DPYD: variants seen among roughly 807,000 people sequenced by gnomAD.
DPYD encodes dihydropyrimidine dehydrogenase, also known as dihydropyrimidine dehydrogenase [NADP(+)].
A neutral mutation model predicts 116.2 loss-of-function variants in DPYD; 109 were observed. The observed-to-expected ratio is 0.94, with a 90% CI of 0.80 to 1.10. The LOEUF (loss-of-function observed/expected upper bound fraction) is 1.10, where lower values mean the gene tolerates loss of function less well. Among genes scored for constraint, DPYD ranks in the 50% least tolerant of loss-of-function variants. DPYD has a pLI of 0.00. For missense variants in DPYD, 1,302 were observed against 1,254.5 expected (o/e 1.04, Z -0.57); for synonymous variants, 440 against 432.0 (o/e 1.02, Z -0.23).
chr1:97,216,643 AT>A, intron 19 of DPYD, among the ~76,000 whole-genome samples: 1 of 151,758 alleles, frequency 6.6e-6, no homozygotes, highest in African/African-American at 2.4e-5. Flanking sequence ...AAATACAAAA[AT>A]TATAGCCAGA....
chr1:97,324,122 A>G (rs1365244209), intron 16 of DPYD, among the ~76,000 whole-genome samples: 2 of 151,460 alleles, frequency 1.3e-5, no homozygotes, highest in African/African-American at 4.9e-5. Context: ...TAGCTGGACA[A>G]CTCTTGGTGT....
intron 12 of DPYD, among the ~76,000 whole-genome samples, chr1:97,536,701 C>T (rs1355083247): frequency 6.6e-6 from 1 of 152,150 alleles, no homozygotes; most frequent in Non-Finnish European, 1.5e-5. Flanking sequence ...GTAAACTAAA[C>T]ACCAAATTAT....
At chr1:97,177,284 G>A (rs566236102) in intron 20 of DPYD, among the ~76,000 whole-genome samples, 4 of 152,218 alleles carry the variant, frequency 2.6e-5, no homozygotes, top group African/African-American at 9.6e-5. Flanking sequence ...AAAAGTCAAA[G>A]AATACATTTC....
chr1:97,191,244 A>C (rs2101819881), intron 20 of DPYD, among the ~76,000 whole-genome samples: 1 of 152,244 alleles, frequency 6.6e-6, no homozygotes, highest in East Asian at 1.9e-4. Flanking sequence ...AAGAACGATT[A>C]GGAAATCACC....
chr1:97,444,165 T>C (rs919440066), intron 14 of DPYD, among the ~76,000 whole-genome samples: 2 of 152,246 alleles, frequency 1.3e-5, no homozygotes, highest in African/African-American at 4.8e-5. Flanking sequence ...TCTTCTTTCC[T>C]TGTCAGATCA....
intron 13 of DPYD, among the ~76,000 whole-genome samples, chr1:97,487,566 G>A (rs1430167107): frequency 7.9e-5 from 12 of 152,032 alleles, no homozygotes; most frequent in Admixed American, 2.6e-4. Context: ...CCAGCTACTC[G>A]GGAGGCTGAG....
chr1:97,184,379 A>G (rs1657854600), intron 20 of DPYD, among the ~76,000 whole-genome samples: 1 of 152,106 alleles, frequency 6.6e-6, no homozygotes, highest in Non-Finnish European at 1.5e-5. Flanking sequence ...TTGCACTTCC[A>G]TTGACAGTGT....
At chr1:97,892,246 G>A (rs368834350) in intron 1 of DPYD, among the ~76,000 whole-genome samples, 3 of 151,644 alleles carry the variant, frequency 2.0e-5, no homozygotes, top group African/African-American at 4.8e-5. Context: ...TGCTTTTGAC[G>A]AGTATTTGTT....
intron 14 of DPYD, among the ~76,000 whole-genome samples, chr1:97,434,795 A>G (rs191090618): frequency 6.6e-6 from 1 of 152,076 alleles, no homozygotes. Flanking sequence ...TTAGCAGAAC[A>G]GTGGGGACTG....
At chr1:97,780,401 A>C (rs1023570886) in intron 3 of DPYD, among the ~76,000 whole-genome samples, 6 of 152,220 alleles carry the variant, frequency 3.9e-5, no homozygotes, top group Non-Finnish European at 7.3e-5. Context: ...TCATGGACAA[A>C]AGAACAATAA....
chr1:97,252,489 T>C (rs922496829), intron 18 of DPYD, among the ~76,000 whole-genome samples: 3 of 152,216 alleles, frequency 2.0e-5, no homozygotes, highest in Non-Finnish European at 4.4e-5. Flanking sequence ...TGTCTCATCG[T>C]CCAAATGCTT....
chr1:97,139,531 AC>A (rs528906710), intron 20 of DPYD, among the ~76,000 whole-genome samples: 13 of 152,188 alleles, frequency 8.5e-5, no homozygotes, highest in Non-Finnish European at 1.5e-4. Context: ...AAAATCTTGG[AC>A]CTGTCTTTAC....
At chr1:97,340,132 C>T (rs1037618701) in intron 16 of DPYD, among the ~76,000 whole-genome samples, 2 of 150,868 alleles carry the variant, frequency 1.3e-5, no homozygotes, top group South Asian at 2.1e-4. Context: ...ACAGTAAACA[C>T]AAAATATTAT....
chr1:97,447,320 G>A (rs1402991908), intron 14 of DPYD, among the ~76,000 whole-genome samples: 1 of 152,118 alleles, frequency 6.6e-6, no homozygotes, highest in Non-Finnish European at 1.5e-5. Flanking sequence ...AATTAAACTT[G>A]GAAAATGAAG....
At chr1:97,790,326 TAAGA>T (rs900824921) in intron 3 of DPYD, among the ~76,000 whole-genome samples, 6 of 152,212 alleles carry the variant, frequency 3.9e-5, no homozygotes, top group Non-Finnish European at 8.8e-5. Flanking sequence ...TTTTCTTGCA[TAAGA>T]AAGAGAGGAA....
intron 20 of DPYD, among the ~76,000 whole-genome samples, chr1:97,174,065 T>C (rs1570603707): frequency 6.6e-6 from 1 of 151,978 alleles, no homozygotes; most frequent in Admixed American, 6.6e-5. Flanking sequence ...TCAATGCATA[T>C]ATTAAAACAC....
chr1:97,916,243 G>A (rs1674205043), intron 1 of DPYD, among the ~76,000 whole-genome samples: 1 of 152,068 alleles, frequency 6.6e-6, no homozygotes, highest in Non-Finnish European at 1.5e-5. Flanking sequence ...GTGCAGGTTA[G>A]TTACATATAT....
chr1:97,175,270 G>C (rs535938601), intron 20 of DPYD, among the ~76,000 whole-genome samples: 1 of 149,468 alleles, frequency 6.7e-6, no homozygotes, highest in African/African-American at 2.6e-5. Context: ...GTGTTCTACT[G>C]TACTTTCTAA....
At chr1:97,176,770 T>C (rs1478969044) in intron 20 of DPYD, among the ~76,000 whole-genome samples, 1 of 151,174 alleles carries the variant, frequency 6.6e-6, no homozygotes, top group Non-Finnish European at 1.5e-5. Flanking sequence ...AAGATAACAA[T>C]AAAGAGAGGA....
Sources: allele counts gnomAD v4.1 joint callset (sites outside exome capture counted in the v4.1 genomes callset), GRCh38; gene constraint gnomAD v4.1.1; transcripts MANE v1.5; gene names NCBI Gene and HGNC (gene_info 2026-07-23, HGNC 2026-07-21).